Variants in LYPD6B observed in about 807,000 individuals in gnomAD.
LYPD6B encodes ly6/PLAUR domain-containing protein 6B.
A neutral mutation model predicts 22.8 loss-of-function variants in LYPD6B; 17 were observed. That is an observed-to-expected ratio of 0.75 (90% CI 0.51 to 1.12). The LOEUF (loss-of-function observed/expected upper bound fraction) is 1.12, where lower values mean the gene tolerates loss of function less well. Among genes scored for constraint, LYPD6B ranks in the 50% most tolerant of loss-of-function variants. The pLI, the probability that LYPD6B is intolerant of heterozygous loss-of-function variation, is 0.00. For missense variants in LYPD6B, 221 were observed against 258.3 expected, an observed-to-expected ratio of 0.86 and a Z score of 0.99; for synonymous variants, 106 against 91.6, an observed-to-expected ratio of 1.16 and a Z score of -0.90.
intron 1 of LYPD6B, among the ~76,000 whole-genome samples, chr2:149,085,605 C>T (rs1685351767): frequency 6.6e-6 from 1 of 152,156 alleles, no homozygotes; most frequent in Non-Finnish European, 1.5e-5. Context: ...TGGCAACAAG[C>T]TTAAAGACTG....
At chr2:149,182,554 G>A (rs1261551943) in intron 3 of LYPD6B, among the ~76,000 whole-genome samples, 1 of 152,210 alleles carries the variant, frequency 6.6e-6, no homozygotes, top group African/African-American at 2.4e-5. Context: ...GCGTAAATAA[G>A]TTGCTTGGGT....
intron 1 of LYPD6B, among the ~76,000 whole-genome samples, chr2:149,056,713 C>G (rs1271178181): frequency 6.6e-6 from 1 of 152,136 alleles, no homozygotes; most frequent in Admixed American, 6.5e-5. Flanking sequence ...GTACAGCCCA[C>G]TCTTGGCTCC....
intron 3 of LYPD6B, among the ~76,000 whole-genome samples, chr2:149,181,564 A>C (rs1185478711): frequency 6.6e-6 from 1 of 152,154 alleles, no homozygotes. Context: ...ACAGGAGAAC[A>C]CTGTATCAAC....
At chr2:149,122,031 C>A (rs1333462022) in intron 1 of LYPD6B, among the ~76,000 whole-genome samples, 3 of 152,226 alleles carry the variant, frequency 2.0e-5, no homozygotes, top group Non-Finnish European at 4.4e-5. Flanking sequence ...AACAAACTAT[C>A]ACCATAATTG....
intron 3 of LYPD6B, among the ~76,000 whole-genome samples, chr2:149,203,744 T>C (rs75717995): frequency 0.016 from 2,387 of 152,352 alleles, 75 homozygotes; most frequent in African/African-American, 0.055. Flanking sequence ...GCTGTTGTTT[T>C]ATAACTCTTA....
In LYPD6B at chr2:149,124,119, C is replaced by T. The variant is rs563640015; in HGVS notation, c.-66-6764C>T. ...TACTGAACTCTCATAGATATTTACT[C>T]ACTCATTTTCTGAAGTACTAATTCC... is the stretch of plus-strand genomic sequence containing the variant. On this transcript the variant is annotated intron_variant, in intron 1 of 6. Transcript: ENST00000409642. Among the ~76,000 whole-genome samples the T allele has an allele frequency of 8.9e-4, 135 of 152,306 alleles. 1 individual carries two copies. Among genetic ancestry groups the T allele is most frequent in the African/African-American group, 2.6e-3 (106 of 41,566 alleles).
intron 1 of LYPD6B, among the ~76,000 whole-genome samples, chr2:149,063,530 A>G (rs1016386037): frequency 6.6e-6 from 1 of 152,240 alleles, no homozygotes; most frequent in Non-Finnish European, 1.5e-5. Context: ...TTTCTTAAAA[A>G]GCTGCCATGT....
intron 2 of LYPD6B, among the ~76,000 whole-genome samples, chr2:149,153,646 G>A (rs1056752503): frequency 1.1e-4 from 16 of 152,166 alleles, no homozygotes; most frequent in South Asian, 1.0e-3. Context: ...ATGATGGTGC[G>A]TTCCTGTAGC....
At chr2:149,062,143 A>G in intron 1 of LYPD6B, among the ~76,000 whole-genome samples, 1 of 151,954 alleles carries the variant, frequency 6.6e-6, no homozygotes, top group East Asian at 1.9e-4. Context: ...ATGTGCCACT[A>G]CGCCAGGCTA....
intron 1 of LYPD6B, among the ~76,000 whole-genome samples, chr2:149,064,387 C>T (rs1188181282): frequency 6.6e-6 from 1 of 152,200 alleles, no homozygotes; most frequent in Non-Finnish European, 1.5e-5. Context: ...GCATTTGCCA[C>T]TAAAACCTGT....
intron 1 of LYPD6B, among the ~76,000 whole-genome samples, chr2:149,055,046 T>A (rs1683727698): frequency 6.6e-6 from 1 of 152,198 alleles, no homozygotes; most frequent in Non-Finnish European, 1.5e-5. Flanking sequence ...AGATATTTGA[T>A]CTATTTTTAG....
At chr2:149,052,353 C>T (rs1683601883) in intron 1 of LYPD6B, among the ~76,000 whole-genome samples, 2 of 152,136 alleles carry the variant, frequency 1.3e-5, no homozygotes, top group South Asian at 4.1e-4. Flanking sequence ...TGTGCCTTTC[C>T]AGGATTATTA....
At chr2:149,209,208 G>A (rs1693689402) in intron 5 of LYPD6B, among the ~76,000 whole-genome samples, 1 of 152,048 alleles carries the variant, frequency 6.6e-6, no homozygotes, top group Admixed American at 6.5e-5. Flanking sequence ...TTTAAGCTAG[G>A]GAATACATAG....
At chr2:149,158,511 G>A (rs1480741264) in intron 2 of LYPD6B, among the ~76,000 whole-genome samples, 2 of 152,138 alleles carry the variant, frequency 1.3e-5, no homozygotes. Context: ...GTTACCAGGG[G>A]CTGAGGGTAG....
intron 2 of LYPD6B, among the ~76,000 whole-genome samples, chr2:149,133,689 G>A (rs951689338): frequency 4.6e-5 from 7 of 152,192 alleles, no homozygotes; most frequent in African/African-American, 1.4e-4. Flanking sequence ...TTGACTTTTT[G>A]TAGAGTGCTT....
chr2:149,039,130 G>T (rs997740307), intron 1 of LYPD6B, among the ~76,000 whole-genome samples: 5 of 152,182 alleles, frequency 3.3e-5, no homozygotes, highest in African/African-American at 9.6e-5. Context: ...CGGCAGAGCC[G>T]AGGGGAGAGG....
intron 2 of LYPD6B, among the ~76,000 whole-genome samples, chr2:149,134,560 T>G (rs1383886103): frequency 1.3e-5 from 2 of 152,222 alleles, no homozygotes; most frequent in African/African-American, 2.4e-5. Flanking sequence ...CTAGAGAGTA[T>G]TCATCTGAAA....
chr2:149,044,891 T>A (rs1175496162), intron 1 of LYPD6B, among the ~76,000 whole-genome samples: 1 of 152,052 alleles, frequency 6.6e-6, no homozygotes, highest in Non-Finnish European at 1.5e-5. Flanking sequence ...TAATATTTAA[T>A]ATGGTGAATT....
At chr2:149,039,623 A>G (rs1317246937) in intron 1 of LYPD6B, among the ~76,000 whole-genome samples, 1 of 152,264 alleles carries the variant, frequency 6.6e-6, no homozygotes, top group African/African-American at 2.4e-5. Flanking sequence ...AATCATTACA[A>G]CAGACTTAGG....
Sources: gnomAD v4.1 joint callset for allele counts (sites outside exome capture counted in the v4.1 genomes callset) on GRCh38, gnomAD v4.1.1 for gene constraint, MANE v1.5 for transcripts, NCBI Gene and HGNC (gene_info 2026-07-23, HGNC 2026-07-21) for gene names.